Variants in MAPK8IP3 observed in about 807,000 individuals in gnomAD.
MAPK8IP3 encodes the protein C-Jun-amino-terminal kinase-interacting protein 3.
In MAPK8IP3, 49 loss-of-function variants were observed where a neutral mutation model predicts 157.8. The ratio of observed to expected loss-of-function variants is 0.31; its 90% confidence interval spans 0.25 to 0.39. The LOEUF (loss-of-function observed/expected upper bound fraction) is 0.39. Ranked by LOEUF, MAPK8IP3 falls within the 10% of genes least tolerant of loss-of-function variation. The pLI, the probability that MAPK8IP3 is intolerant of heterozygous loss-of-function variation, is 1.00. For synonymous variants in MAPK8IP3, 897 were observed against 777.7 expected, an observed-to-expected ratio of 1.15 and a Z score of -2.55; for missense variants, 1,478 against 1,889.4, an observed-to-expected ratio of 0.78 and a Z score of 4.04.
intron 13 of MAPK8IP3, among the ~76,000 whole-genome samples, chr16:1,762,097 G>A (rs2041987898): frequency 6.6e-6 from 1 of 152,236 alleles, no homozygotes; most frequent in Admixed American, 6.5e-5. Flanking sequence ...ACCACATGGA[G>A]TCAGAATCAG....
chr16:1,739,161 TGA>T (rs148958892), intron 4 of MAPK8IP3, among the ~76,000 whole-genome samples: 6,511 of 122,404 alleles, frequency 0.053, 82 homozygotes, highest in East Asian at 0.18. Flanking sequence ...ACCATCCGTG[TGA>T]GTGTGACCAT....
intron 4 of MAPK8IP3, 56 bp downstream of exon 4, chr16:1,729,634 C>T: frequency 6.8e-7 from 1 of 1,473,284 alleles, no homozygotes; most frequent in Non-Finnish European, 9.3e-7. Flanking sequence ...CGGAGGTACG[C>T]AGGACGCGGC....
chr16:1,736,168 G>A (rs539992346), intron 4 of MAPK8IP3, among the ~76,000 whole-genome samples: 126 of 114,022 alleles, frequency 1.1e-3, no homozygotes, highest in Admixed American at 2.2e-3. Context: ...CCGTGTGAGC[G>A]TCCGTGTGAG....
In MAPK8IP3 at chr16:1,710,435, T is replaced by C. The variant is rs2037698071; in HGVS notation, c.318+3778T>C. On this transcript the variant is annotated intron_variant, in intron 1 of 31. Coordinates refer to ENST00000610761, the MANE Select transcript of MAPK8IP3 (RefSeq NM_001318852.2). This position sits in a 1 kb window ranked among gnomAD's most constrained non-coding sequence, Gnocchi z 4.1. ...TTGTGGTGAACCAAGATCATACCACTGCACTCCAGCCTGGGCAACAAGAGT... is the reference window on the plus strand; with the variant it reads ...TTGTGGTGAACCAAGATCATACCACCGCACTCCAGCCTGGGCAACAAGAGT... 6.6e-6 allele frequency among the ~76,000 whole-genome samples: 1 copy of C among 152,128 alleles called. No individual in the cohort carries two copies. The highest frequency in any genetic ancestry group is 2.4e-5 in the African/African-American group (1 of 41,402).
intron 4 of MAPK8IP3, among the ~76,000 whole-genome samples, chr16:1,734,668 C>T (rs1462354349): frequency 3.3e-5 from 5 of 152,236 alleles, no homozygotes; most frequent in African/African-American, 9.6e-5. Context: ...GGAAGGAGCC[C>T]GTCCCTGCTG....
At chr16:1,736,736 G>A (rs549678126) in intron 4 of MAPK8IP3, among the ~76,000 whole-genome samples, 18 of 66,268 alleles carry the variant, frequency 2.7e-4, no homozygotes, top group African/African-American at 1.1e-3. Context: ...CCGTGTGAGC[G>A]TGTGACCATC....
At chr16:1,737,189 CGT>C (rs1249560249) in intron 4 of MAPK8IP3, among the ~76,000 whole-genome samples, 9 of 76,826 alleles carry the variant, frequency 1.2e-4, no homozygotes, top group Non-Finnish European at 2.0e-4. Flanking sequence ...TGTGACCGTC[CGT>C]GTGAGCGTGT....
rs2040817737 is a variant in MAPK8IP3 at position 1,743,810 on chromosome 16, C to T, written c.747+334C>T. On this transcript the variant is annotated intron_variant, in intron 5 of 31. Transcript: ENST00000610761. The surrounding 1 kb of genome is among the most constrained non-coding windows in gnomAD (Gnocchi z 5.6). ...TTAGTGATCCTCTCTCAAACCACAC[C>T]CCCACATAAAGCCTCATGCTCACCC... 13 of 1,211,312 alleles carry T rather than the reference C, an allele frequency of 1.1e-5. No homozygotes were observed. Among genetic ancestry groups the T allele is most frequent in the Non-Finnish European group, 1.1e-5 (11 of 971,040 alleles). 75.0% of individuals were successfully genotyped at this position (1,211,312 alleles called of 1,614,324 possible). A position where few individuals can be genotyped will look rare whatever the true frequency, so the allele number is the denominator to read the frequency against.
At chr16:1,760,300 G>A (rs1316157045) in intron 11 of MAPK8IP3, 80 bp from the exon 12 acceptor site, 3 of 1,525,150 alleles carry the variant, frequency 2.0e-6, no homozygotes, top group Admixed American at 1.9e-5. Context: ...CAGGGCGGAA[G>A]TGCAGGCGCC....
intron 2 of MAPK8IP3, among the ~76,000 whole-genome samples, chr16:1,727,515 TGGTGCTGTGTCTAAGTCGTGCGTGTGA>T (rs1567150487): frequency 2.0e-5 from 3 of 152,112 alleles, no homozygotes; most frequent in East Asian, 3.9e-4. Context: ...TATGCATGTT[TGGTGCTGTGTCTAAGTCGTGCGTGTGA>T]GGTGCTGTGT....
Position 1,751,022 on chromosome 16 carries a change from AAC to A in MAPK8IP3, c.1216+2308_1216+2309del, listed in dbSNP as rs1381385969. ...AGAGGTATGACACATGTGTACGCAG[AAC>A]ACACAGTGTCAGGTCGCAGCTGCCC... is the stretch of plus-strand genomic sequence containing the variant. On this transcript the variant is annotated intron_variant, in intron 8 of 31. Coordinates refer to ENST00000610761, the MANE Select transcript of MAPK8IP3 (RefSeq NM_001318852.2). This position sits in a 1 kb window ranked among gnomAD's most constrained non-coding sequence, Gnocchi z 5.0. Among the ~76,000 whole-genome samples the A allele has an allele frequency of 6.6e-6, 1 of 152,198 alleles. No individual in the cohort carries two copies. The highest frequency in any genetic ancestry group is 1.5e-5 in the Non-Finnish European group (1 of 68,034).
In MAPK8IP3 at chr16:1,706,525, G is replaced by A. The variant is rs756734653; in HGVS notation, c.186G>A (p.Val62=). 7 of 1,613,958 alleles carry A rather than the reference G, an allele frequency of 4.3e-6. No individual in the cohort carries two copies. The East Asian group carries it at 1.6e-4, about 36-fold the overall frequency. ...VKELMPLVVN[V]LENLDSVLSE... ...AGCTCATGCCGCTGGTGGTGAACGT[G>A]CTGGAGAACCTAGACTCGGTGCTCA... Residue 62 remains valine (V), a synonymous_variant, in exon 1 of 32, where the codon GTG becomes GTA. Coordinates refer to ENST00000610761, the MANE Select transcript of MAPK8IP3 (RefSeq NM_001318852.2). This position sits in a 1 kb window ranked among gnomAD's most constrained non-coding sequence, Gnocchi z 5.1.
At position 1,766,962 on chromosome 16, in the gene MAPK8IP3, C is replaced by T. The variant is rs2042305903; in HGVS notation, c.3079C>T (p.Arg1027Cys). 5 of 1,588,622 alleles carry T rather than the reference C, an allele frequency of 3.1e-6. No individual in the cohort carries two copies. The highest frequency in any genetic ancestry group is 4.3e-6 in the Non-Finnish European group (5 of 1,165,028). ...LADGTLAIFH[R>C]GEDGQWDLSN... ...GGACGGGACCCTGGCCATCTTCCAC[C>T]GTGGTGAAGGTGGGGCCTGGCAGCA... The change falls in exon 25 of 32, where the codon CGT (arginine) becomes TGT (cysteine). Residue 1027 changes from arginine (R) to cysteine (C), a missense_variant. By Grantham distance (180) the Arg-to-Cys change is radical. This residue lies in a region of MAPK8IP3 where 669 missense variants were observed against 759.8 expected (regional missense o/e 0.88). Transcript: ENST00000610761.
intron 4 of MAPK8IP3, among the ~76,000 whole-genome samples, chr16:1,736,745 T>C (rs2039904955): frequency 1.5e-5 from 1 of 67,184 alleles, no homozygotes; most frequent in African/African-American, 6.8e-5. Context: ...CGTGTGACCA[T>C]CCATGTGAGC....
chr16:1,722,674 G>A (rs1388482470), intron 1 of MAPK8IP3, among the ~76,000 whole-genome samples: 1 of 151,912 alleles, frequency 6.6e-6, no homozygotes, highest in African/African-American at 2.4e-5. Flanking sequence ...AGACCAACCT[G>A]GGAACCATAG....
Position 1,706,848 on chromosome 16 carries a change from C to T in MAPK8IP3, c.318+191C>T, listed in dbSNP as rs1408281137. Among the ~76,000 whole-genome samples the T allele has an allele frequency of 6.7e-6, 1 of 148,672 alleles. No homozygotes were observed. The highest frequency in any genetic ancestry group is 1.5e-5 in the Non-Finnish European group (1 of 66,696). ...CCCCGCCCCGGGACTTCCCCACCCC[C>T]TCTGCCCGCCGTGAGACACCTCCCT... On this transcript the variant is annotated intron_variant, in intron 1 of 31. Coordinates refer to ENST00000610761, the MANE Select transcript of MAPK8IP3 (RefSeq NM_001318852.2). This position sits in a 1 kb window ranked among gnomAD's most constrained non-coding sequence, Gnocchi z 5.1.
rs535046870 is a variant in MAPK8IP3 at position 1,757,896 on chromosome 16, G to A, written c.1217-252G>A. The stretch of plus-strand genomic sequence containing the variant: ...TGGGAGCAGAGGGCAGCAGGCTTCC[G>A]GGTCAGGGCTCGGCAACACAGCCCT... On this transcript the variant is annotated intron_variant, in intron 8 of 31. Coordinates refer to ENST00000610761, the MANE Select transcript of MAPK8IP3 (RefSeq NM_001318852.2). Among the ~76,000 whole-genome samples the A allele has an allele frequency of 1.7e-3, 257 of 152,308 alleles. 1 individual carries two copies. The highest frequency in any genetic ancestry group is 3.4e-3 in the Middle Eastern group (1 of 294).
chr16:1,739,645 TCCGTGTGAGC>T (rs2040490453), intron 4 of MAPK8IP3, among the ~76,000 whole-genome samples: 1 of 130,264 alleles, frequency 7.7e-6, no homozygotes, highest in African/African-American at 3.0e-5. Flanking sequence ...CGTGTGACCG[TCCGTGTGAGC>T]ATCTGTGTGA....
chr16:1,730,044 CAAAAAAAAA>C (rs58933347), intron 4 of MAPK8IP3, among the ~76,000 whole-genome samples: 692 of 46,960 alleles, frequency 0.015, 7 homozygotes, highest in African/African-American at 0.041. Flanking sequence ...CTTGTCTCTA[CAAAAAAAAA>C]AAAAAAAAAA....
Sources: gnomAD v4.1 joint callset for allele counts (sites outside exome capture counted in the v4.1 genomes callset) on GRCh38, gnomAD v4.1.1 for gene constraint, gnomAD v4.1.1 regional missense constraint, Gnocchi (gnomAD v3.1) non-coding constraint, MANE v1.5 for transcripts, NCBI Gene and HGNC (gene_info 2026-07-23, HGNC 2026-07-21) for gene names.